The following COG4 variants were observed in gnomAD, a reference collection of about 807,000 sequenced individuals.
COG4 encodes the protein component of oligomeric golgi complex 4.
A neutral mutation model predicts 95.1 loss-of-function variants in COG4; 65 were observed. The observed-to-expected ratio is 0.68, with a 90% confidence interval of 0.56 to 0.84. COG4 has a LOEUF of 0.84. Among genes scored for constraint, COG4 ranks in the 40% least tolerant of loss-of-function variants. The probability of loss-of-function intolerance (pLI) is 0.00; values close to 1 mark genes in which losing one functional copy is unlikely to be tolerated. For missense variants in COG4, 1,045 were observed against 989.1 expected (o/e 1.06, Z -0.76); for synonymous variants, 421 against 374.8 (o/e 1.12, Z -1.42).
At chr16:70,517,762 A>G (rs372481071) in intron 2 of COG4, 22 bp from the exon 3 acceptor site, 670 of 1,514,942 alleles carry the variant, frequency 4.4e-4, no homozygotes, top group Non-Finnish European at 5.7e-4. Context: ...CATTGTTAGC[A>G]TACACATAAC....
chr16:70,496,391 T>A lies in COG4; in HGVS notation c.1522A>T (p.Thr508Ser), dbSNP rs774025415. ...CNKLRMGFPA[T>S]TFQDIQRGVT... The stretch of plus-strand genomic sequence containing the variant: ...CCGCGCTGGATGTCCTGGAAGGTGG[T>A]GGCAGGAAAGCCCATCCGCAGCTTA... Residue 508 changes from threonine (T) to serine (S), a missense_variant, in exon 12 of 19, where the codon ACC (threonine) becomes TCC (serine). Transcript: ENST00000323786. 3 of 1,614,142 alleles carry A rather than the reference T, an allele frequency of 1.9e-6. 1 individual carries two copies. In the South Asian group the frequency reaches 3.3e-5, roughly 18 times the overall value.
Position 70,481,407 on chromosome 16 carries a change from G to A in COG4, c.2187C>T (p.Asp729=), listed in dbSNP as rs1597650792. Residue 729 remains aspartate (D), a synonymous_variant, in exon 18 of 19, where the codon GAC becomes GAT. Transcript: ENST00000323786. The part of the protein sequence containing the change: ...LTTVTTWTIR[D]KFARLSQMAT... The stretch of plus-strand genomic sequence containing the variant: ...CCATCTGGGAGAGCCGGGCAAACTT[G>A]TCTCGGATGGTCCAGGTGGTCACCG... The A allele has an allele frequency of 6.2e-7, 1 of 1,613,368 alleles. No individual in the cohort carries two copies.
intron 7 of COG4, chr16:70,509,019 T>G: frequency 1.6e-6 from 1 of 631,214 alleles, no homozygotes. Context: ...TTATTTCCGT[T>G]TTGGTCTTGA....
chr16:70,502,481 A>T (rs1016427226), intron 8 of COG4, among the ~76,000 whole-genome samples: 2 of 146,212 alleles, frequency 1.4e-5, no homozygotes, highest in African/African-American at 5.1e-5. Flanking sequence ...CATGCCTGTG[A>T]TCCCAGCTAC....
At chr16:70,512,513 A>G (rs1398001640) in intron 4 of COG4, 81 bp from the exon 5 acceptor site, 1 of 1,140,842 alleles carries the variant, frequency 8.8e-7, no homozygotes, top group Non-Finnish European at 1.3e-6. Context: ...AATACTATTC[A>G]TCCAGCAAAT....
At chr16:70,507,679 G>A (rs933472295) in intron 8 of COG4, among the ~76,000 whole-genome samples, 4 of 151,742 alleles carry the variant, frequency 2.6e-5, no homozygotes, top group African/African-American at 9.7e-5. Flanking sequence ...TGGCCATCAT[G>A]GCAAAACCCT....
chr16:70,493,302 T>C (rs2049281839), intron 12 of COG4, among the ~76,000 whole-genome samples: 1 of 152,084 alleles, frequency 6.6e-6, no homozygotes, highest in South Asian at 2.1e-4. Context: ...ACTGTCTACC[T>C]TTCTGCTTGA....
intron 18 of COG4, 77 bp from the exon 19 acceptor site, chr16:70,481,221 G>A (rs2048984485): frequency 4.3e-6 from 7 of 1,610,148 alleles, no homozygotes; most frequent in South Asian, 2.2e-5. Context: ...ACCAGGGGCA[G>A]AGCAGGGGCA....
chr16:70,497,330 C>T lies in COG4; in HGVS notation c.1372G>A (p.Val458Ile), dbSNP rs539190153. The T allele has an allele frequency of 6.2e-7, 1 of 1,614,056 alleles. No individual in the cohort carries two copies. Among genetic ancestry groups the T allele is most frequent in the South Asian group, 1.1e-5 (1 of 91,082 alleles). The part of the protein sequence containing the change: ...GQLTSSMVDD[V>I]FYIVKKCIGR... The stretch of plus-strand genomic sequence containing the variant: ...ATGCACTTCTTAACAATGTAGAAGA[C>T]ATCATCCACCATGCTGGATGTCAGC... Residue 458 changes from valine (V) to isoleucine (I), a missense_variant, in exon 11 of 19, where the codon GTC becomes ATC. Coordinates refer to ENST00000323786, the MANE Select transcript of COG4 (RefSeq NM_015386.3).
At chr16:70,514,172 T>C (rs1158311444) in intron 4 of COG4, among the ~76,000 whole-genome samples, 163 bp downstream of exon 4, 2 of 151,594 alleles carry the variant, frequency 1.3e-5, no homozygotes, top group Non-Finnish European at 2.9e-5. Flanking sequence ...ATGGCACCAC[T>C]GCACCCTATC....
chr16:70,519,534 C>G lies in COG4; in HGVS notation c.254+115G>C. On this transcript the variant is annotated intron_variant, in intron 2 of 18. Coordinates refer to ENST00000323786, the MANE Select transcript of COG4 (RefSeq NM_015386.3). ...GTGTTCACTTTATCTTGAGATAATACCCTTTACATTTCAAGCTGAACTGGT... is the reference window on the plus strand; with the variant it reads ...GTGTTCACTTTATCTTGAGATAATAGCCTTTACATTTCAAGCTGAACTGGT... The G allele has an allele frequency of 6.7e-6, 5 of 747,974 alleles. No individual in the cohort carries two copies. In the South Asian group the frequency reaches 7.3e-5, roughly 11 times the overall value. 46.3% of individuals were successfully genotyped at this position (747,974 alleles called of 1,614,324 possible).
chr16:70,501,030 G>C lies in COG4; in HGVS notation c.1123C>G (p.Arg375Gly), dbSNP rs140920304. ...LMNARSELYL[R>G]FLKKRISSDF... ...GAGCTAATCCTCTTCTTGAGGAAGC[G>C]TAAGTATAGCTCACTGCGGGCATTC... Residue 375 changes from arginine to glycine, a missense_variant, in exon 9 of 19, where the codon CGC (arginine) becomes GGC (glycine). Arg to Gly is a moderately radical substitution (Grantham distance 125, BLOSUM62 -2). Coordinates refer to ENST00000323786, the MANE Select transcript of COG4 (RefSeq NM_015386.3). 3 of 1,613,862 alleles carry C rather than the reference G, an allele frequency of 1.9e-6. No homozygotes were observed. The highest frequency in any genetic ancestry group is 2.5e-6 in the Non-Finnish European group (3 of 1,179,958).
Position 70,481,360 on chromosome 16 carries a change from C to G in COG4, c.2234G>C (p.Arg745Pro). The change falls in exon 18 of 19, where the codon CGG (arginine) becomes CCG (proline). Residue 745 changes from arginine to proline, a missense_variant and splice_region_variant. Arg to Pro is a moderately radical substitution (Grantham distance 103). Coordinates refer to ENST00000323786, the MANE Select transcript of COG4 (RefSeq NM_015386.3). ...CTGGGCCAAGGGTGCCCCACCTACCCGCTCCAGATTGAGGATGGTGGCCAT... is the reference window on the plus strand; with the variant it reads ...CTGGGCCAAGGGTGCCCCACCTACCGGCTCCAGATTGAGGATGGTGGCCAT... ...SQMATILNLE[R>P]VTEILDYWGP... The G allele has an allele frequency of 1.9e-6, 3 of 1,612,754 alleles. No individual in the cohort carries two copies. Among genetic ancestry groups the G allele is most frequent in the Non-Finnish European group, 2.5e-6 (3 of 1,179,972 alleles).
chr16:70,504,609 TAA>T (rs66751123), intron 8 of COG4, among the ~76,000 whole-genome samples: 11 of 121,920 alleles, frequency 9.0e-5, no homozygotes, highest in South Asian at 2.3e-4. Context: ...AGATTCTATT[TAA>T]AAAAAAAAAA....
intron 5 of COG4, among the ~76,000 whole-genome samples, chr16:70,511,723 G>A (rs1232596950): frequency 6.6e-6 from 1 of 151,864 alleles, no homozygotes; most frequent in African/African-American, 2.4e-5. Context: ...ACCTGACGTT[G>A]GGAGTTCGAG....
At chr16:70,496,183 A>T (rs766235134) in intron 12 of COG4, 83 bp downstream of exon 12, 19 of 1,436,504 alleles carry the variant, frequency 1.3e-5, no homozygotes, top group Non-Finnish European at 1.8e-5. Context: ...CTCTAGCTAG[A>T]GGCCAATTAT....
At chr16:70,486,326 C>G (rs752032771) in intron 13 of COG4, among the ~76,000 whole-genome samples, 37 of 152,144 alleles carry the variant, frequency 2.4e-4, no homozygotes, top group Non-Finnish European at 4.6e-4. Context: ...AAAGTTCATG[C>G]TGTTTTGGCT....
chr16:70,489,344 A>C (rs2049197385), intron 13 of COG4, among the ~76,000 whole-genome samples: 1 of 150,294 alleles, frequency 6.7e-6, no homozygotes, highest in South Asian at 2.1e-4. Flanking sequence ...CAGCCTCCCG[A>C]GTAGCTGGGA....
At position 70,481,852 on chromosome 16, in the gene COG4, G is replaced by A. The variant is rs772209637; in HGVS notation, c.2018C>T (p.Pro673Leu). 3.7e-6 allele frequency: 6 copies of A among 1,613,406 alleles called. No individual in the cohort carries two copies. The highest frequency in any genetic ancestry group is 3.3e-5 in the Admixed American group (2 of 59,962). The change falls in exon 17 of 19, where the codon CCG (proline) becomes CTG (leucine). Residue 673 changes from proline (P) to leucine (L), a missense_variant. Pro to Leu is a moderately conservative substitution (Grantham distance 98). Coordinates refer to ENST00000323786, the MANE Select transcript of COG4 (RefSeq NM_015386.3). ...QMAEFKASLS[P>L]VIYDSLTGLM... Reference sequence around the variant, plus strand: ...GCCGGTTAGGCTGTCGTAGATGACCGGGGACAGGCTGGCCTGCACACAGAG... The same window carrying A: ...GCCGGTTAGGCTGTCGTAGATGACCAGGGACAGGCTGGCCTGCACACAGAG...
Sources: allele counts gnomAD v4.1 joint callset (sites outside exome capture counted in the v4.1 genomes callset), GRCh38; gene constraint gnomAD v4.1.1; transcripts MANE v1.5; gene names NCBI Gene and HGNC (gene_info 2026-07-23, HGNC 2026-07-21).